NXPE4: variants seen among roughly 807,000 people sequenced by gnomAD.
NXPE4 encodes neurexophilin and PC-esterase domain family member 4.
Under a neutral mutation model 33.3 loss-of-function variants are expected in NXPE4, and 42 were observed. The ratio of observed to expected loss-of-function variants is 1.26; its 90% CI spans 0.98 to 1.63. The LOEUF (loss-of-function observed/expected upper bound fraction) is 1.63, where lower values mean the gene tolerates loss of function less well. NXPE4 is among the 40% of genes most tolerant of loss of function. NXPE4 has a pLI of 0.00. For missense variants in NXPE4, 709 were observed against 647.6 expected, an observed-to-expected ratio of 1.09 and a Z score of -1.03; for synonymous variants, 253 against 234.9, an observed-to-expected ratio of 1.08 and a Z score of -0.71.
At chr11:114,600,688 A>G (rs1949627618), upstream of NXPE4, among the ~76,000 whole-genome samples, 1 of 152,122 alleles carries the variant, frequency 6.6e-6, no homozygotes. Context: ...TAGAAGAAGG[A>G]CATTAACGGA....
At chr11:114,665,651 A>G in the NXPE4 span, among the ~76,000 whole-genome samples, 1 of 152,184 alleles carries the variant, frequency 6.6e-6, no homozygotes, top group Non-Finnish European at 1.5e-5. Flanking sequence ...TAGGTGGAAG[A>G]TAGTTCAGCA....
chr11:114,639,119 C>T, the NXPE4 span, among the ~76,000 whole-genome samples: 1 of 152,062 alleles, frequency 6.6e-6, no homozygotes, highest in East Asian at 1.9e-4. Flanking sequence ...GTGGGCTCCA[C>T]CCAGTTCGAG....
chr11:114,673,089 T>C, the NXPE4 span, among the ~76,000 whole-genome samples: 1 of 148,298 alleles, frequency 6.7e-6, no homozygotes, highest in African/African-American at 2.4e-5. Flanking sequence ...ATATATAACA[T>C]ATATAGTATA....
In NXPE4 at chr11:114,570,650, A is replaced by G. The variant is rs1948865193; in HGVS notation, c.*288T>C. 4.3e-6 allele frequency: 1 copy of G among 230,736 alleles called. No homozygotes were observed. The highest frequency in any genetic ancestry group is 9.1e-5 in the East Asian group (1 of 11,002). The allele number at this position is 230,736 out of a possible 1,614,324, so 14.3% of individuals were successfully genotyped here. A position where few individuals can be genotyped will look rare whatever the true frequency, so the allele number is the denominator to read the frequency against. On this transcript the variant is annotated 3_prime_UTR_variant, in exon 6 of 6. Coordinates refer to ENST00000375478, the MANE Select transcript of NXPE4 (RefSeq NM_001077639.2). The stretch of plus-strand genomic sequence containing the variant: ...ATCACTCTGAGTTTTCATGCATCAG[A>G]GAGAACTTTTACCCATAGGTGTCTT...
chr11:114,667,730 C>G, the NXPE4 span, among the ~76,000 whole-genome samples: 1 of 152,088 alleles, frequency 6.6e-6, no homozygotes, highest in South Asian at 2.1e-4. Flanking sequence ...CTCCTGACAA[C>G]AGCCATCTGA....
chr11:114,669,552 G>A, the NXPE4 span, among the ~76,000 whole-genome samples: 4 of 152,190 alleles, frequency 2.6e-5, no homozygotes, highest in African/African-American at 9.6e-5. Flanking sequence ...TTATAGAGCA[G>A]AAGCACTTTT....
At chr11:114,603,526 TCTC>T in the NXPE4 span, among the ~76,000 whole-genome samples, 1 of 150,854 alleles carries the variant, frequency 6.6e-6, no homozygotes, top group Non-Finnish European at 1.5e-5. Context: ...TATTGCCTCG[TCTC>T]CCAGGTAACT....
At chr11:114,628,749 G>T in the NXPE4 span, among the ~76,000 whole-genome samples, 1 of 151,206 alleles carries the variant, frequency 6.6e-6, no homozygotes, top group Non-Finnish European at 1.5e-5. Flanking sequence ...TTTTTGAAAG[G>T]ATCAACAAAA....
chr11:114,662,182 AC>A, the NXPE4 span, among the ~76,000 whole-genome samples: 1 of 151,976 alleles, frequency 6.6e-6, no homozygotes, highest in Non-Finnish European at 1.5e-5. Flanking sequence ...CCCACCATCA[AC>A]CCCCAGCATT....
At chr11:114,651,041 T>C in the NXPE4 span, among the ~76,000 whole-genome samples, 4 of 151,952 alleles carry the variant, frequency 2.6e-5, no homozygotes, top group African/African-American at 9.7e-5. Flanking sequence ...TGTGGTACAT[T>C]GAAGGTAATA....
chr11:114,612,830 G>A, the NXPE4 span, among the ~76,000 whole-genome samples: 1 of 151,858 alleles, frequency 6.6e-6, no homozygotes, highest in Non-Finnish European at 1.5e-5. Context: ...TTACCCAGAG[G>A]ATAGTAAGTA....
At chr11:114,574,453 A>C (rs181031031) in intron 5 of NXPE4, among the ~76,000 whole-genome samples, 1 of 152,104 alleles carries the variant, frequency 6.6e-6, no homozygotes, top group African/African-American at 2.4e-5. Flanking sequence ...TTGATAAACC[A>C]TTAGCAAGAT....
chr11:114,632,262 T>G, the NXPE4 span, among the ~76,000 whole-genome samples: 1 of 139,358 alleles, frequency 7.2e-6, no homozygotes, highest in Non-Finnish European at 1.5e-5. Flanking sequence ...ATATGTATAA[T>G]ATATATGTAT....
At chr11:114,658,363 G>A in the NXPE4 span, among the ~76,000 whole-genome samples, 9 of 152,236 alleles carry the variant, frequency 5.9e-5, no homozygotes, top group South Asian at 2.1e-4. Flanking sequence ...TAGAATTTCC[G>A]GGAGCACAGA....
chr11:114,589,305 C>T (rs1426489446), intron 2 of NXPE4, among the ~76,000 whole-genome samples: 1 of 152,078 alleles, frequency 6.6e-6, no homozygotes, highest in Admixed American at 6.5e-5. Context: ...ATTCCCATTA[C>T]AGCACAGGAG....
chr11:114,650,541 G>A, the NXPE4 span, among the ~76,000 whole-genome samples: 5 of 152,122 alleles, frequency 3.3e-5, no homozygotes, highest in Non-Finnish European at 5.9e-5. Flanking sequence ...ATGGAGGAAG[G>A]GCAAGTACTG....
chr11:114,610,447 G>A, the NXPE4 span, among the ~76,000 whole-genome samples: 5 of 151,616 alleles, frequency 3.3e-5, no homozygotes, highest in South Asian at 2.1e-4. Context: ...ACTGTTTCCC[G>A]GTGGATAATA....
intron 2 of NXPE4, among the ~76,000 whole-genome samples, chr11:114,591,334 C>A (rs1341425849): frequency 6.6e-6 from 1 of 152,160 alleles, no homozygotes; most frequent in Non-Finnish European, 1.5e-5. Context: ...AAGACACTTT[C>A]TTACTACTAA....
At chr11:114,636,038 C>T in the NXPE4 span, among the ~76,000 whole-genome samples, 54 of 151,896 alleles carry the variant, frequency 3.6e-4, no homozygotes, top group East Asian at 1.7e-3. Flanking sequence ...TCAGAAGGAA[C>T]GGTACCAGTT....
Sources: gnomAD v4.1 joint callset for allele counts (sites outside exome capture counted in the v4.1 genomes callset) on GRCh38, gnomAD v4.1.1 for gene constraint, MANE v1.5 for transcripts, NCBI Gene and HGNC (gene_info 2026-07-23, HGNC 2026-07-21) for gene names.